PIK3C2G: variants seen among roughly 807,000 people sequenced by gnomAD.
PIK3C2G encodes phosphatidylinositol-4-phosphate 3-kinase catalytic subunit type 2 gamma, also known as phosphatidylinositol 3-kinase C2 domain-containing subunit gamma.
Under a neutral mutation model 181.1 loss-of-function variants are expected in PIK3C2G, and 168 were observed. The observed-to-expected ratio is 0.93, with a 90% CI of 0.82 to 1.05. PIK3C2G has a LOEUF of 1.05. PIK3C2G is among the 50% of genes least tolerant of loss of function. PIK3C2G has a pLI of 0.00. For missense variants in PIK3C2G, 1,869 were observed against 1,732.8 expected (o/e 1.08, Z -1.40); for synonymous variants, 573 against 592.2 (o/e 0.97, Z 0.47).
At chr12:18,630,531 G>A (rs1334402212) in intron 31 of PIK3C2G, among the ~76,000 whole-genome samples, 1 of 152,042 alleles carries the variant, frequency 6.6e-6, no homozygotes, top group Non-Finnish European at 1.5e-5. Context: ...GATGGGGTTA[G>A]GGTAGTAGGG....
In PIK3C2G at chr12:18,427,228, G is replaced by A. The variant is rs915444724; in HGVS notation, c.2504+3189G>A. Among the ~76,000 whole-genome samples, 11 of 151,502 alleles carry A rather than the reference G, an allele frequency of 7.3e-5. No individual in the cohort carries two copies. The South Asian group carries it at 1.2e-3, about 17-fold the overall frequency. On this transcript the variant is annotated intron_variant, in intron 18 of 32. Coordinates refer to ENST00000538779, the MANE Select transcript of PIK3C2G (RefSeq NM_001288772.2). ...ATATATAAAAGACAATGTTTTAGGC[G>A]GGCGTGGTGGCTCACGTCTGTAATC...
chr12:18,384,964 TTAAA>T (rs1943071484), intron 14 of PIK3C2G, among the ~76,000 whole-genome samples: 1 of 152,166 alleles, frequency 6.6e-6, no homozygotes, highest in Non-Finnish European at 1.5e-5. Flanking sequence ...ATCAGTTTAA[TTAAA>T]TAGTCAGCTA....
intron 16 of PIK3C2G, among the ~76,000 whole-genome samples, chr12:18,403,815 A>G (rs961278355): frequency 1.3e-5 from 2 of 152,170 alleles, no homozygotes; most frequent in African/African-American, 4.8e-5. Context: ...TCAGGAAAAC[A>G]GAGACCAAGG....
At chr12:18,506,385 G>GT (rs1449021241) in intron 24 of PIK3C2G, among the ~76,000 whole-genome samples, 1 of 152,102 alleles carries the variant, frequency 6.6e-6, no homozygotes, top group Non-Finnish European at 1.5e-5. Context: ...AATTTTAGTG[G>GT]TTTTCAAAAG....
At position 18,371,220 on chromosome 12, in the gene PIK3C2G, T is replaced by G; in HGVS notation, c.1789T>G (p.Ser597Ala). The stretch of plus-strand genomic sequence containing the variant: ...TGAAATAAAGTCACTTCCAAGGGAA[T>G]CCATGCTCACTGTAAAACTGTTTGG... The part of the protein sequence containing the change: ...PLEIKSLPRE[S>A]MLTVKLFGIA... Residue 597 changes from serine to alanine, a missense_variant, in exon 13 of 33, where the codon TCC becomes GCC. Physicochemically the swap from Ser to Ala is moderately conservative, Grantham distance 99 (BLOSUM62 1). Transcript: ENST00000538779. 1 of 1,612,044 alleles carries G rather than the reference T, an allele frequency of 6.2e-7. No homozygotes were observed. The highest frequency in any genetic ancestry group is 2.2e-5 in the East Asian group (1 of 44,822).
chr12:18,276,003 TA>T (rs1164635665), intron 1 of PIK3C2G, among the ~76,000 whole-genome samples: 1 of 152,168 alleles, frequency 6.6e-6, no homozygotes, highest in East Asian at 1.9e-4. Flanking sequence ...GAACACTCAG[TA>T]AAACAATATT....
At chr12:18,347,489 A>G (rs528090469) in intron 11 of PIK3C2G, among the ~76,000 whole-genome samples, 3 of 152,330 alleles carry the variant, frequency 2.0e-5, no homozygotes, top group South Asian at 4.1e-4. Flanking sequence ...ATCTCAAGGA[A>G]AAACTGAAAT....
At chr12:18,588,317 C>A (rs1347331335) in intron 29 of PIK3C2G, among the ~76,000 whole-genome samples, 1 of 151,916 alleles carries the variant, frequency 6.6e-6, no homozygotes, top group African/African-American at 2.4e-5. Context: ...AGCAGAAAAC[C>A]TACTGAATGA....
At chr12:18,492,803 C>T (rs1261189007) in intron 20 of PIK3C2G, among the ~76,000 whole-genome samples, 3 of 152,088 alleles carry the variant, frequency 2.0e-5, no homozygotes, top group Non-Finnish European at 4.4e-5. Context: ...TGCAGGTGCA[C>T]CGGCTGGGCC....
chr12:18,572,346 AATATATATAAAGCG>A (rs996400757), intron 29 of PIK3C2G, among the ~76,000 whole-genome samples: 67 of 147,928 alleles, frequency 4.5e-4, no homozygotes, highest in African/African-American at 1.6e-3. Context: ...AATTATATAA[AATATATATAAAGCG>A]ATATATATAA....
At chr12:18,496,299 A>G in intron 21 of PIK3C2G, 145 bp downstream of exon 21, 1 of 624,636 alleles carries the variant, frequency 1.6e-6, no homozygotes. Context: ...TTTTTACAGG[A>G]TTATATATAG....
intron 11 of PIK3C2G, among the ~76,000 whole-genome samples, chr12:18,355,826 G>A (rs11044046): frequency 6.6e-6 from 1 of 152,286 alleles, no homozygotes; most frequent in East Asian, 1.9e-4. Flanking sequence ...TCTGATGGCT[G>A]GACTAAACAT....
chr12:18,463,891 G>C (rs781566594), intron 18 of PIK3C2G, among the ~76,000 whole-genome samples: 1 of 152,052 alleles, frequency 6.6e-6, no homozygotes, highest in African/African-American at 2.4e-5. Context: ...AGATCAAACA[G>C]GCCCTTCACT....
Position 18,647,914 on chromosome 12 carries a change from C to G in PIK3C2G, c.4347C>G (p.Val1449=). Residue 1449 remains valine, a synonymous_variant, in exon 33 of 33, where the codon GTC becomes GTG. Coordinates refer to ENST00000538779, the MANE Select transcript of PIK3C2G (RefSeq NM_001288772.2). The part of the protein sequence containing the change: ...YDEVTELQGH[V]LMLIVKSKTV... ...AAGTCACAGAGCTCCAAGGACATGT[C>G]TTAATGCTTATTGTGAAGAGTAAAA... The G allele has an allele frequency of 6.3e-7, 1 of 1,595,234 alleles. No individual in the cohort carries two copies. Among genetic ancestry groups the G allele is most frequent in the Non-Finnish European group, 8.6e-7 (1 of 1,168,432 alleles).
In PIK3C2G at chr12:18,388,117, C is replaced by CT. The variant is rs367790413; in HGVS notation, c.1996-2995dup. On this transcript the variant is annotated intron_variant, in intron 14 of 32. Transcript: ENST00000538779. The stretch of plus-strand genomic sequence containing the variant: ...TTTTATTTCTAATGTAACGGAGATC[C>CT]TTTTTTTTTTCTCACTCCAAAACCA... 3.8e-4 allele frequency among the ~76,000 whole-genome samples: 57 copies of CT among 149,202 alleles called. 1 individual carries two copies. The highest frequency in any genetic ancestry group is 1.2e-3 in the African/African-American group (47 of 40,786).
chr12:18,590,100 C>A (rs1195745873), intron 29 of PIK3C2G, among the ~76,000 whole-genome samples: 1 of 149,700 alleles, frequency 6.7e-6, no homozygotes, highest in African/African-American at 2.5e-5. Context: ...TTATAGTATA[C>A]AGTAGTTAAA....
the PIK3C2G span, among the ~76,000 whole-genome samples, chr12:18,724,282 C>T: frequency 4.0e-5 from 6 of 151,666 alleles, no homozygotes; most frequent in Admixed American, 6.6e-5. Context: ...GGTGAAATGA[C>T]GAAGGAAGAA....
chr12:18,481,336 T>G (rs1349766223), intron 18 of PIK3C2G, among the ~76,000 whole-genome samples: 2 of 152,130 alleles, frequency 1.3e-5, no homozygotes, highest in Admixed American at 6.6e-5. Context: ...TTCTGTGAGA[T>G]GAATGTAAGG....
intron 28 of PIK3C2G, 93 bp from the exon 29 acceptor site, chr12:18,566,856 C>A (rs1467262144): frequency 1.4e-6 from 1 of 719,520 alleles, no homozygotes; most frequent in Non-Finnish European, 2.5e-6. Context: ...ATTGGCCCTT[C>A]CATCTGATAC....
Sources: allele counts gnomAD v4.1 joint callset (sites outside exome capture counted in the v4.1 genomes callset), GRCh38; gene constraint gnomAD v4.1.1; transcripts MANE v1.5; gene names NCBI Gene and HGNC (gene_info 2026-07-23, HGNC 2026-07-21).